DNAH9: variants seen among roughly 807,000 people sequenced by gnomAD.
DNAH9 encodes the protein DNAH9 variant protein.
A neutral mutation model predicts 471.6 loss-of-function variants in DNAH9; 345 were observed. The observed-to-expected ratio is 0.73, with a 90% CI of 0.67 to 0.80. DNAH9 has a LOEUF of 0.80. Ranked by LOEUF, DNAH9 falls within the 30% of genes least tolerant of loss-of-function variation. DNAH9 has a pLI of 0.00. For missense variants in DNAH9, 5,407 were observed against 5,609.2 expected (o/e 0.96, Z 1.15); for synonymous variants, 2,093 against 2,123.6 (o/e 0.99, Z 0.40).
intron 27 of DNAH9, among the ~76,000 whole-genome samples, chr17:11,726,367 T>C (rs9898602): frequency 0.9 from 136,723 of 152,184 alleles, 62,662 homozygotes; most frequent in Non-Finnish European, 0.99. Context: ...TGTTATAGGA[T>C]TTCTCAGGGC....
intron 38 of DNAH9, among the ~76,000 whole-genome samples, chr17:11,776,274 T>C (rs1329166949): frequency 6.6e-6 from 1 of 151,682 alleles, no homozygotes; most frequent in Non-Finnish European, 1.5e-5. Context: ...GTGATATCAA[T>C]GTTAAGATAT....
At chr17:11,646,894 C>G (rs575594870) in intron 11 of DNAH9, among the ~76,000 whole-genome samples, 178 bp from the exon 12 acceptor site, 1 of 152,278 alleles carries the variant, frequency 6.6e-6, no homozygotes, top group African/African-American at 2.4e-5. Context: ...GCATGGGCAA[C>G]AAGAGCGAAA....
At chr17:11,602,085 A>G (rs1379342925) in intron 1 of DNAH9, among the ~76,000 whole-genome samples, 1 of 151,710 alleles carries the variant, frequency 6.6e-6, no homozygotes, top group East Asian at 1.9e-4. Context: ...CTGCCAACTT[A>G]TTTTTCCTAG....
At chr17:11,659,288 C>T (rs1225325613) in intron 14 of DNAH9, among the ~76,000 whole-genome samples, 1 of 152,118 alleles carries the variant, frequency 6.6e-6, no homozygotes, top group African/African-American at 2.4e-5. Context: ...ATAATTATTT[C>T]TTATTATCAT....
At chr17:11,693,262 T>TG (rs1491551280) in intron 20 of DNAH9, among the ~76,000 whole-genome samples, 2 of 119,510 alleles carry the variant, frequency 1.7e-5, no homozygotes, top group African/African-American at 6.3e-5. Flanking sequence ...TTTTTTTTTT[T>TG]GAGACAAAGT....
intron 10 of DNAH9, among the ~76,000 whole-genome samples, chr17:11,642,741 A>G (rs1488306184): frequency 3.3e-5 from 5 of 152,114 alleles, no homozygotes; most frequent in Non-Finnish European, 7.4e-5. Flanking sequence ...TCTTTTCTAG[A>G]TACAAAACTG....
At chr17:11,675,104 T>C (rs2074029426) in intron 17 of DNAH9, among the ~76,000 whole-genome samples, 1 of 152,230 alleles carries the variant, frequency 6.6e-6, no homozygotes, top group Admixed American at 6.5e-5. Flanking sequence ...ACATGTTGTC[T>C]CTTTGCTTAT....
intron 2 of DNAH9, among the ~76,000 whole-genome samples, chr17:11,609,015 C>T (rs994290802): frequency 6.6e-6 from 1 of 152,146 alleles, no homozygotes; most frequent in Admixed American, 6.5e-5. Flanking sequence ...CCAGGCTATG[C>T]ATATAAATAT....
At chr17:11,960,805 G>T (rs140552794) in intron 67 of DNAH9, among the ~76,000 whole-genome samples, 1 of 152,080 alleles carries the variant, frequency 6.6e-6, no homozygotes, top group South Asian at 2.1e-4. Flanking sequence ...GTTAGATCTA[G>T]AATTCCATGT....
At chr17:11,900,156 T>C (rs907392378) in intron 59 of DNAH9, among the ~76,000 whole-genome samples, 1 of 150,308 alleles carries the variant, frequency 6.7e-6, no homozygotes, top group African/African-American at 2.4e-5. Flanking sequence ...GGCTCAAAAG[T>C]GGTGGTGCTG....
At chr17:11,713,171 G>A (rs932490950) in intron 26 of DNAH9, among the ~76,000 whole-genome samples, 2 of 152,046 alleles carry the variant, frequency 1.3e-5, no homozygotes, top group African/African-American at 2.4e-5. Flanking sequence ...TTCTGTTCCT[G>A]CATTAGTTTG....
At chr17:11,752,484 G>T (rs1268940330) in intron 32 of DNAH9, among the ~76,000 whole-genome samples, 4 of 152,124 alleles carry the variant, frequency 2.6e-5, no homozygotes, top group African/African-American at 9.7e-5. Context: ...GGCCAGCATG[G>T]TGAAACCGCG....
intron 52 of DNAH9, among the ~76,000 whole-genome samples, chr17:11,872,243 G>A (rs954465193): frequency 5.3e-5 from 8 of 151,988 alleles, no homozygotes; most frequent in Admixed American, 5.2e-4. Context: ...GATATCCTTC[G>A]TCGGCTTCCG....
intron 39 of DNAH9, among the ~76,000 whole-genome samples, chr17:11,782,571 A>G (rs1968710632): frequency 6.6e-6 from 1 of 152,128 alleles, no homozygotes; most frequent in African/African-American, 2.4e-5. Context: ...ATCGGTCCCC[A>G]TCTCCTCATT....
intron 67 of DNAH9, among the ~76,000 whole-genome samples, chr17:11,952,878 G>T (rs1975441459): frequency 6.6e-6 from 1 of 152,166 alleles, no homozygotes; most frequent in Non-Finnish European, 1.5e-5. Flanking sequence ...CACAGTTGTG[G>T]AGGCTCAAAG....
chr17:11,885,826 C>T (rs1380014097), intron 56 of DNAH9, among the ~76,000 whole-genome samples: 4 of 152,146 alleles, frequency 2.6e-5, no homozygotes, highest in African/African-American at 2.4e-5. Context: ...TGTAATACTC[C>T]TGCAGTTTGT....
chr17:11,689,827 G>A lies in DNAH9; in HGVS notation c.4005G>A (p.Glu1335=). The change falls in exon 20 of 69, where the codon GAG becomes GAA. Residue 1335 remains glutamate (E), a synonymous_variant. Transcript: ENST00000262442. ...TCAACGTGGAAGCCATGGAGTTGGA[G>A]TGCAAACAGTTTGCCCGGCATATCC... is the stretch of plus-strand genomic sequence containing the variant. The part of the protein sequence containing the change: ...RNINVEAMEL[E]CKQFARHIRN... 1 of 1,613,694 alleles carries A rather than the reference G, an allele frequency of 6.2e-7. No homozygotes were observed. Among genetic ancestry groups the A allele is most frequent in the Non-Finnish European group, 8.5e-7 (1 of 1,179,754 alleles).
intron 52 of DNAH9, among the ~76,000 whole-genome samples, chr17:11,873,028 C>G (rs904560610): frequency 1.3e-5 from 2 of 152,206 alleles, no homozygotes; most frequent in African/African-American, 4.8e-5. Context: ...AACCTTAGAA[C>G]AAAAACTCTT....
intron 17 of DNAH9, among the ~76,000 whole-genome samples, chr17:11,673,007 T>C (rs1444622424): frequency 6.6e-6 from 1 of 152,098 alleles, no homozygotes; most frequent in African/African-American, 2.4e-5. Context: ...TTCCCTCCCA[T>C]TCCCACCTTG....
Sources: allele counts gnomAD v4.1 joint callset (sites outside exome capture counted in the v4.1 genomes callset), GRCh38; gene constraint gnomAD v4.1.1; transcripts MANE v1.5; gene names NCBI Gene and HGNC (gene_info 2026-07-23, HGNC 2026-07-21).